Variants in LRRN2 observed in about 807,000 individuals in gnomAD.
LRRN2 encodes the protein leucine-rich repeat neuronal protein 2.
A neutral mutation model predicts 35.7 loss-of-function variants in LRRN2; 10 were observed. The observed-to-expected ratio is 0.28, with a 90% confidence interval of 0.17 to 0.47. LRRN2 has a LOEUF of 0.47. LRRN2 is among the 20% of genes least tolerant of loss of function. LRRN2 has a pLI of 0.99. For missense variants in LRRN2, 731 were observed against 940.3 expected, an observed-to-expected ratio of 0.78 and a Z score of 2.91; for synonymous variants, 391 against 409.6, an observed-to-expected ratio of 0.95 and a Z score of 0.55.
At chr1:204,623,297 C>T (rs1667057754) in intron 1 of LRRN2, among the ~76,000 whole-genome samples, 1 of 152,188 alleles carries the variant, frequency 6.6e-6, no homozygotes. Flanking sequence ...CTGAGGGGAT[C>T]AAGGAACCAT....
intron 1 of LRRN2, among the ~76,000 whole-genome samples, chr1:204,622,646 T>A (rs904728374): frequency 6.6e-6 from 1 of 151,986 alleles, no homozygotes; most frequent in Non-Finnish European, 1.5e-5. Context: ...TGTGGTGGTC[T>A]AGGTGGGTGG....
chr1:204,623,760 T>C (rs905891090), intron 1 of LRRN2, among the ~76,000 whole-genome samples: 2 of 152,268 alleles, frequency 1.3e-5, no homozygotes, highest in African/African-American at 4.8e-5. Context: ...GATTCCGAGC[T>C]TCTTGAGGCA....
At chr1:204,636,919 T>G (rs1157121573) in intron 1 of LRRN2, among the ~76,000 whole-genome samples, 1 of 152,210 alleles carries the variant, frequency 6.6e-6, no homozygotes, top group Non-Finnish European at 1.5e-5. Flanking sequence ...AAGCAAAAAT[T>G]GAACCCCATA....
intron 1 of LRRN2, among the ~76,000 whole-genome samples, chr1:204,665,197 T>G (rs1368175071): frequency 6.6e-6 from 1 of 152,094 alleles, no homozygotes; most frequent in Non-Finnish European, 1.5e-5. Flanking sequence ...GAAAAAAAAT[T>G]TAAAAAGAAT....
chr1:204,682,254 A>G (rs556800111), intron 1 of LRRN2, among the ~76,000 whole-genome samples: 10 of 152,288 alleles, frequency 6.6e-5, no homozygotes, highest in Non-Finnish European at 1.3e-4. Flanking sequence ...GACACAGGAA[A>G]AGTCATTGCC....
rs536760185 is a variant in LRRN2, at chr1:204,638,321, G to A, written c.-226-18103C>T. On this transcript the variant is annotated intron_variant, in intron 1 of 1. Coordinates refer to ENST00000367177, the MANE Select transcript of LRRN2 (RefSeq NM_201630.2). The stretch of plus-strand genomic sequence containing the variant: ...TTCATTGAATCCCCCCGCACCGTTG[G>A]AGTCAGAACTACTGGCACCCTTATT... Among the ~76,000 whole-genome samples the A allele has an allele frequency of 3.3e-5, 5 of 151,392 alleles. No homozygotes were observed. The South Asian group carries it at 1.0e-3, about 32-fold the overall frequency.
At chr1:204,637,837 G>A (rs181071031) in intron 1 of LRRN2, among the ~76,000 whole-genome samples, 97 of 152,268 alleles carry the variant, frequency 6.4e-4, no homozygotes, top group Admixed American at 5.2e-3. Context: ...AAACACAGGA[G>A]TTTGTGCTCC....
intron 1 of LRRN2, among the ~76,000 whole-genome samples, chr1:204,673,795 C>T (rs1023585509): frequency 6.6e-6 from 1 of 152,152 alleles, no homozygotes; most frequent in African/African-American, 2.4e-5. Context: ...TTCTCCCCCT[C>T]CCTGCTTTTC....
Position 204,677,383 on chromosome 1 carries a change from A to C in LRRN2, c.-227+7937T>G, listed in dbSNP as rs1361622764. 2.0e-5 allele frequency among the ~76,000 whole-genome samples: 3 copies of C among 151,670 alleles called. No individual in the cohort carries two copies. In the South Asian group the frequency reaches 6.2e-4, roughly 32 times the overall value. On this transcript the variant is annotated intron_variant, in intron 1 of 1. Transcript: ENST00000367177. Reference sequence around the variant, plus strand: ...GGGCACTACCAATGGATCCTAGTCTACTCCACTCTGGTGATCTCTCTCTAT... The same window carrying C: ...GGGCACTACCAATGGATCCTAGTCTCCTCCACTCTGGTGATCTCTCTCTAT...
intron 1 of LRRN2, among the ~76,000 whole-genome samples, chr1:204,635,256 AT>A (rs1365654988): frequency 6.6e-6 from 1 of 152,142 alleles, no homozygotes; most frequent in African/African-American, 2.4e-5. Flanking sequence ...GGACAATATT[AT>A]TTTAAGGGTA....
intron 1 of LRRN2, among the ~76,000 whole-genome samples, chr1:204,672,878 A>C (rs1301090581): frequency 6.6e-6 from 1 of 152,206 alleles, no homozygotes; most frequent in Non-Finnish European, 1.5e-5. Flanking sequence ...CGCTTCATCC[A>C]GCTCTAAAAA....
At chr1:204,652,437 C>CT (rs1161150382) in intron 1 of LRRN2, among the ~76,000 whole-genome samples, 1 of 20,804 alleles carries the variant, frequency 4.8e-5, no homozygotes, top group Non-Finnish European at 2.3e-4. Flanking sequence ...CAAAGAAGGA[C>CT]CGAGCTAAAG....
chr1:204,666,908 G>A (rs1668583510), intron 1 of LRRN2, among the ~76,000 whole-genome samples: 2 of 127,696 alleles, frequency 1.6e-5, no homozygotes, highest in African/African-American at 5.9e-5. Context: ...GTTGCAGTGA[G>A]CCAAGATCAT....
chr1:204,648,270 A>G (rs1668152342), intron 1 of LRRN2, among the ~76,000 whole-genome samples: 1 of 152,210 alleles, frequency 6.6e-6, no homozygotes, highest in South Asian at 2.1e-4. Context: ...ACAGTGAGAG[A>G]GGGCCTGGGC....
chr1:204,618,683 C>G lies in LRRN2; in HGVS notation c.1310G>C (p.Ser437Thr), dbSNP rs1666586994. The change falls in exon 2 of 2, where the codon AGT (serine) becomes ACT (threonine). Residue 437 changes from serine to threonine, a missense_variant. Ser to Thr is a moderately conservative substitution (Grantham distance 58, BLOSUM62 1). Transcript: ENST00000367177. ...RSFPPSLQVA[S>T]GESMVLHCRA... ...GCAATGCAGCACCATGCTCTCTCCA[C>G]TGGCTACCTGGAGGCTTGGGGGGAA... 1 of 1,599,774 alleles carries G rather than the reference C, an allele frequency of 6.3e-7. No individual in the cohort carries two copies. Among genetic ancestry groups the G allele is most frequent in the South Asian group, 1.1e-5 (1 of 88,372 alleles).
intron 1 of LRRN2, among the ~76,000 whole-genome samples, chr1:204,627,937 G>C (rs942320273): frequency 3.4e-5 from 5 of 145,186 alleles, no homozygotes; most frequent in Non-Finnish European, 7.4e-5. Flanking sequence ...TCCGGAGAAG[G>C]AAAGAAAGAA....
At chr1:204,643,921 C>T (rs1414947630) in intron 1 of LRRN2, among the ~76,000 whole-genome samples, 1 of 152,106 alleles carries the variant, frequency 6.6e-6, no homozygotes, top group Non-Finnish European at 1.5e-5. Context: ...GAACAAATTA[C>T]TGAACCTCTC....
At chr1:204,679,361 C>T (rs115770053) in intron 1 of LRRN2, among the ~76,000 whole-genome samples, 567 of 152,342 alleles carry the variant, frequency 3.7e-3, no homozygotes, top group African/African-American at 0.013. Flanking sequence ...ATACTTTCAT[C>T]GACCACGTTT....
At chr1:204,647,900 G>T (rs1415775983) in intron 1 of LRRN2, among the ~76,000 whole-genome samples, 1 of 152,172 alleles carries the variant, frequency 6.6e-6, no homozygotes, top group Non-Finnish European at 1.5e-5. Context: ...TCATGAATTT[G>T]TTATTGATTG....
Sources: gnomAD v4.1 joint callset for allele counts (sites outside exome capture counted in the v4.1 genomes callset) on GRCh38, gnomAD v4.1.1 for gene constraint, MANE v1.5 for transcripts, NCBI Gene and HGNC (gene_info 2026-07-23, HGNC 2026-07-21) for gene names.